The following AGBL4 variants were observed in gnomAD, a reference collection of about 807,000 sequenced individuals.
AGBL4 encodes the protein cytosolic carboxypeptidase 6.
Under a neutral mutation model 66.4 loss-of-function variants are expected in AGBL4, and 58 were observed. The observed-to-expected ratio is 0.87, with a 90% CI of 0.71 to 1.09. The LOEUF is 1.09. AGBL4 is among the 50% of genes least tolerant of loss of function. The pLI is 0.00. For missense variants in AGBL4, 579 were observed against 631.0 expected (o/e 0.92, Z 0.88); for synonymous variants, 234 against 222.9 (o/e 1.05, Z -0.44).
chr1:49,931,889 A>C (rs920239536), intron 1 of AGBL4, among the ~76,000 whole-genome samples: 1 of 152,190 alleles, frequency 6.6e-6, no homozygotes, highest in East Asian at 1.9e-4. Context: ...ACAGTAATTA[A>C]GGCAATGTGG....
At chr1:48,534,363 G>C in intron 13 of AGBL4, 70 bp from the exon 14 acceptor site, 1 of 1,484,080 alleles carries the variant, frequency 6.7e-7, no homozygotes, top group South Asian at 1.4e-5. Context: ...TCATTTGTGT[G>C]CATGTCTATC....
At chr1:49,516,180 T>A (rs1649805164) in intron 3 of AGBL4, among the ~76,000 whole-genome samples, 2 of 151,896 alleles carry the variant, frequency 1.3e-5, no homozygotes, top group African/African-American at 4.8e-5. Flanking sequence ...GAAATGGATA[T>A]GACAGTGTCC....
intron 3 of AGBL4, among the ~76,000 whole-genome samples, chr1:49,391,153 T>C (rs1363829727): frequency 6.6e-6 from 1 of 152,064 alleles, no homozygotes; most frequent in Non-Finnish European, 1.5e-5. Context: ...TTGAGCACAG[T>C]TGTAGCATAC....
At chr1:48,635,410 C>A (rs1161707633) in intron 8 of AGBL4, among the ~76,000 whole-genome samples, 3 of 152,218 alleles carry the variant, frequency 2.0e-5, no homozygotes, top group African/African-American at 7.2e-5. Flanking sequence ...CAGTGAGAAC[C>A]AGAGAATAAT....
intron 3 of AGBL4, among the ~76,000 whole-genome samples, chr1:49,407,880 C>T (rs1645237255): frequency 6.6e-6 from 1 of 152,102 alleles, no homozygotes; most frequent in Non-Finnish European, 1.5e-5. Context: ...GATGTGTGTT[C>T]CTAATAACCC....
At chr1:48,540,700 T>G (rs974259934) in intron 11 of AGBL4, among the ~76,000 whole-genome samples, 1 of 152,186 alleles carries the variant, frequency 6.6e-6, no homozygotes, top group African/African-American at 2.4e-5. Flanking sequence ...TCCTTAGCGA[T>G]TGCTTCTCCC....
rs912013813 is a variant in AGBL4, at chr1:49,204,602, C to T, written c.377+41168G>A. ...GTCCCAAGATAAGGGAAATGATAAT[C>T]GTTATTATGAATACATTAACTAGGC... On this transcript the variant is annotated intron_variant, in intron 4 of 13. Transcript: ENST00000371839. Among the ~76,000 whole-genome samples the T allele has an allele frequency of 6.6e-5, 10 of 152,144 alleles. No homozygotes were observed. The East Asian group carries it at 7.8e-4, about 12-fold the overall frequency.
chr1:49,112,548 A>C (rs1321399775), intron 4 of AGBL4, among the ~76,000 whole-genome samples: 1 of 152,244 alleles, frequency 6.6e-6, no homozygotes, highest in African/African-American at 2.4e-5. Flanking sequence ...TTTTACCCAC[A>C]GTAGAACTTT....
chr1:49,877,078 T>C (rs553995764), intron 1 of AGBL4, among the ~76,000 whole-genome samples: 3 of 151,796 alleles, frequency 2.0e-5, no homozygotes, highest in African/African-American at 4.8e-5. Context: ...TGGGGTTTTC[T>C]AGATAAACAA....
At chr1:49,460,876 A>C (rs1184744861) in intron 3 of AGBL4, among the ~76,000 whole-genome samples, 1 of 151,712 alleles carries the variant, frequency 6.6e-6, no homozygotes, top group African/African-American at 2.4e-5. Flanking sequence ...CACTGCATAC[A>C]AAATTCTTGG....
intron 5 of AGBL4, among the ~76,000 whole-genome samples, chr1:49,016,480 T>C (rs1662831945): frequency 6.6e-6 from 1 of 152,198 alleles, no homozygotes; most frequent in Non-Finnish European, 1.5e-5. Context: ...TATTTAGTAC[T>C]GACTCAGTCA....
chr1:49,175,347 A>G (rs1270265895), intron 4 of AGBL4, among the ~76,000 whole-genome samples: 1 of 152,026 alleles, frequency 6.6e-6, no homozygotes, highest in African/African-American at 2.4e-5. Context: ...GAAGGGATGG[A>G]CTGAAAAGAA....
intron 5 of AGBL4, among the ~76,000 whole-genome samples, chr1:49,017,758 C>G (rs531550252): frequency 6.6e-6 from 1 of 152,102 alleles, no homozygotes; most frequent in African/African-American, 2.4e-5. Flanking sequence ...ATTAAAATAA[C>G]AAAATAATGA....
intron 1 of AGBL4, among the ~76,000 whole-genome samples, chr1:49,888,664 A>G (rs1354352268): frequency 2.0e-5 from 3 of 152,216 alleles, no homozygotes; most frequent in Admixed American, 6.5e-5. Context: ...ACAGCCACCA[A>G]TGGGTAGATT....
At chr1:48,761,541 A>G (rs1644255068) in intron 6 of AGBL4, 2 of 1,440,994 alleles carry the variant, frequency 1.4e-6, no homozygotes, top group Non-Finnish European at 1.9e-6. Flanking sequence ...AGAATGCCCA[A>G]AACCTCAAAT....
intron 3 of AGBL4, among the ~76,000 whole-genome samples, chr1:49,555,021 G>A (rs190961110): frequency 5.3e-5 from 8 of 152,310 alleles, no homozygotes; most frequent in Middle Eastern, 3.4e-3. Context: ...AAGAGCAAAA[G>A]AACAAAGCTT....
At chr1:49,014,872 A>G (rs1382655286) in intron 5 of AGBL4, among the ~76,000 whole-genome samples, 2 of 152,250 alleles carry the variant, frequency 1.3e-5, no homozygotes, top group African/African-American at 4.8e-5. Context: ...GATGACAGGT[A>G]TAAGTAAGGA....
At chr1:48,534,810 C>T (rs1643942084) in intron 13 of AGBL4, 80 bp downstream of exon 13, 2 of 1,405,846 alleles carry the variant, frequency 1.4e-6, no homozygotes, top group East Asian at 2.5e-5. Context: ...ACAAGGCTGC[C>T]AGAATAGGTG....
At chr1:48,917,377 T>C (rs183716369) in intron 5 of AGBL4, among the ~76,000 whole-genome samples, 1 of 152,214 alleles carries the variant, frequency 6.6e-6, no homozygotes, top group Admixed American at 6.5e-5. Context: ...TGTAGGCTGG[T>C]TGAAATGTTT....
Sources: gnomAD v4.1 joint callset for allele counts (sites outside exome capture counted in the v4.1 genomes callset) on GRCh38, gnomAD v4.1.1 for gene constraint, MANE v1.5 for transcripts, NCBI Gene and HGNC (gene_info 2026-07-23, HGNC 2026-07-21) for gene names.